KCNAB1: variants seen among roughly 807,000 people sequenced by gnomAD.
KCNAB1 encodes the protein voltage-gated potassium channel subunit beta-1.
In KCNAB1, 35 loss-of-function variants were observed where a neutral mutation model predicts 64.6. The observed-to-expected ratio is 0.54, with a 90% confidence interval of 0.41 to 0.72. The LOEUF (loss-of-function observed/expected upper bound fraction) is 0.72. Among genes scored for constraint, KCNAB1 ranks in the 30% least tolerant of loss-of-function variants. The pLI is 0.00. For synonymous variants in KCNAB1, 177 were observed against 183.8 expected (o/e 0.96, Z 0.30); for missense variants, 401 against 512.9 (o/e 0.78, Z 2.11).
intron 2 of KCNAB1, among the ~76,000 whole-genome samples, chr3:156,424,692 AGAC>A (rs972903295): frequency 3.7e-4 from 57 of 152,332 alleles, no homozygotes; most frequent in African/African-American, 1.3e-3. Context: ...AAAGCCCTTA[AGAC>A]AATAACAAAT....
At chr3:156,187,030 T>A (rs1713244877) in intron 1 of KCNAB1, among the ~76,000 whole-genome samples, 1 of 152,078 alleles carries the variant, frequency 6.6e-6, no homozygotes, top group Admixed American at 6.6e-5. Flanking sequence ...TTCTTTTTAT[T>A]TTTTGTAGAG....
intron 1 of KCNAB1, among the ~76,000 whole-genome samples, chr3:156,293,890 C>T (rs186004640): frequency 4.1e-4 from 63 of 152,350 alleles, no homozygotes; most frequent in Admixed American, 7.2e-4. Flanking sequence ...TGAGCAGCTG[C>T]TTTCCTGGGC....
chr3:156,142,910 C>T lies in KCNAB1; in HGVS notation c.275+22024C>T, dbSNP rs767254126. 8 of 966,000 alleles carry T rather than the reference C, an allele frequency of 8.3e-6. No individual in the cohort carries two copies. In the East Asian group the frequency reaches 4.8e-4, roughly 58 times the overall value. 59.8% of individuals were successfully genotyped at this position (966,000 alleles called of 1,614,324 possible). On this transcript the variant is annotated intron_variant, in intron 1 of 13. Transcript: ENST00000490337. ...AGTACATAGTTGCTTATGTTTGACT[C>T]TGAGTACTTTAAAGGGATGAGAAAA...
chr3:156,239,227 A>G (rs1717028121), intron 1 of KCNAB1, among the ~76,000 whole-genome samples: 1 of 152,222 alleles, frequency 6.6e-6, no homozygotes, highest in Admixed American at 6.5e-5. Flanking sequence ...TCATAATAAA[A>G]TTTGTCTTTC....
intron 1 of KCNAB1, among the ~76,000 whole-genome samples, chr3:156,268,505 C>G (rs777494862): frequency 4.6e-5 from 7 of 152,158 alleles, no homozygotes; most frequent in Non-Finnish European, 7.4e-5. Flanking sequence ...ATAGGGGTTT[C>G]CTTTTCTCCA....
At position 156,422,925 on chromosome 3, in the gene KCNAB1, G is replaced by C. The variant is rs77539327; in HGVS notation, c.319+1266G>C. Among the ~76,000 whole-genome samples, 484 of 152,334 alleles carry C rather than the reference G, an allele frequency of 3.2e-3. 5 individuals carry two copies. The highest frequency in any genetic ancestry group is 0.011 in the African/African-American group (475 of 41,572). ...AAAAAAATGGAGTCCTGGAATCCAG[G>C]TGAGCATTTCGAGGAGGATGGAGTG... On this transcript the variant is annotated intron_variant, in intron 2 of 13. Transcript: ENST00000490337.
At chr3:156,233,062 C>A (rs905103172) in intron 1 of KCNAB1, among the ~76,000 whole-genome samples, 3 of 152,032 alleles carry the variant, frequency 2.0e-5, no homozygotes, top group East Asian at 1.9e-4. Flanking sequence ...TAGATTCTTT[C>A]AAAAAATAAT....
chr3:156,429,198 C>T (rs1257771176), intron 2 of KCNAB1, among the ~76,000 whole-genome samples: 1 of 152,198 alleles, frequency 6.6e-6, no homozygotes, highest in Non-Finnish European at 1.5e-5. Flanking sequence ...GGTTGGAATA[C>T]ATTGTCTTAT....
chr3:156,141,797 T>C (rs1157271428), intron 1 of KCNAB1, among the ~76,000 whole-genome samples: 1 of 152,238 alleles, frequency 6.6e-6, no homozygotes, highest in African/African-American at 2.4e-5. Flanking sequence ...GTGTGATTGC[T>C]GTGTCATATA....
At chr3:156,292,560 CAG>C (rs1372200240) in intron 1 of KCNAB1, among the ~76,000 whole-genome samples, 2 of 152,116 alleles carry the variant, frequency 1.3e-5, no homozygotes, top group Non-Finnish European at 2.9e-5. Flanking sequence ...TTGTTTGAGA[CAG>C]AGTCTCGCTC....
intron 1 of KCNAB1, among the ~76,000 whole-genome samples, chr3:156,253,123 C>T (rs1368284082): frequency 6.6e-6 from 1 of 152,164 alleles, no homozygotes. Context: ...CCGTGGGTGT[C>T]ATGGCATATA....
chr3:156,121,276 G>A (rs944197278), intron 1 of KCNAB1, among the ~76,000 whole-genome samples: 1 of 152,174 alleles, frequency 6.6e-6, no homozygotes. Flanking sequence ...GGGGATGAGG[G>A]AAGAACATTT....
At chr3:156,462,188 AG>A (rs1712964549) in intron 5 of KCNAB1, among the ~76,000 whole-genome samples, 2 of 152,374 alleles carry the variant, frequency 1.3e-5, no homozygotes, top group South Asian at 4.1e-4. Flanking sequence ...TGTGGGAGTC[AG>A]TGACAATTTG....
At chr3:156,273,993 T>C (rs1220700294) in intron 1 of KCNAB1, among the ~76,000 whole-genome samples, 2 of 152,174 alleles carry the variant, frequency 1.3e-5, no homozygotes, top group African/African-American at 4.8e-5. Flanking sequence ...AAGGGCTGAA[T>C]TTTCCACCTT....
intron 1 of KCNAB1, among the ~76,000 whole-genome samples, chr3:156,404,721 T>A (rs1714134767): frequency 1.3e-5 from 2 of 152,170 alleles, no homozygotes; most frequent in South Asian, 4.1e-4. Context: ...ACAGGTGAAG[T>A]CCAGCCCTAA....
chr3:156,217,946 A>G (rs980536234), intron 1 of KCNAB1: 1 of 152,260 alleles, frequency 6.6e-6, no homozygotes, highest in Admixed American at 6.5e-5. Flanking sequence ...CACATCATAA[A>G]CTTGCTCCAA....
chr3:156,462,457 T>C (rs16826256), intron 5 of KCNAB1, among the ~76,000 whole-genome samples: 1,583 of 152,286 alleles, frequency 0.01, 20 homozygotes, highest in African/African-American at 0.036. Flanking sequence ...TATCATGAGG[T>C]TGATGTATTA....
intron 1 of KCNAB1, among the ~76,000 whole-genome samples, chr3:156,361,901 C>T (rs1725639414): frequency 6.6e-6 from 1 of 152,196 alleles, no homozygotes; most frequent in East Asian, 1.9e-4. Context: ...CTCCAGTGAT[C>T]CTCTCACCTC....
At chr3:156,319,287 A>G (rs1722497784) in intron 1 of KCNAB1, among the ~76,000 whole-genome samples, 1 of 152,184 alleles carries the variant, frequency 6.6e-6, no homozygotes, top group Admixed American at 6.5e-5. Flanking sequence ...AGCAGCTTTA[A>G]GCACAAGGTT....
Sources: gnomAD v4.1 joint callset for allele counts (sites outside exome capture counted in the v4.1 genomes callset) on GRCh38, gnomAD v4.1.1 for gene constraint, MANE v1.5 for transcripts, NCBI Gene and HGNC (gene_info 2026-07-23, HGNC 2026-07-21) for gene names.